The following ERBB4 variants were observed in gnomAD, a reference collection of about 807,000 sequenced individuals.
ERBB4 encodes the protein erb-b2 receptor tyrosine kinase 4.
ERBB4 carries 42 observed loss-of-function variants against 158.0 expected under a neutral mutation model. The ratio of observed to expected loss-of-function variants is 0.27; its 90% CI spans 0.21 to 0.34. The LOEUF (loss-of-function observed/expected upper bound fraction) is 0.34, where lower values mean the gene tolerates loss of function less well. Among genes scored for constraint, ERBB4 ranks in the 10% least tolerant of loss-of-function variants. The probability of loss-of-function intolerance (pLI) is 1.00; values close to 1 mark genes in which losing one functional copy is unlikely to be tolerated. For synonymous variants in ERBB4, 583 were observed against 558.7 expected (o/e 1.04, Z -0.61); for missense variants, 1,333 against 1,624.1 (o/e 0.82, Z 3.08).
chr2:212,399,227 G>A (rs2091120540), intron 1 of ERBB4, among the ~76,000 whole-genome samples: 1 of 151,986 alleles, frequency 6.6e-6, no homozygotes, highest in Non-Finnish European at 1.5e-5. Context: ...ATAGGTGCGA[G>A]CCACTGCACC....
At chr2:212,447,143 C>T (rs1230479234) in intron 1 of ERBB4, among the ~76,000 whole-genome samples, 1 of 151,728 alleles carries the variant, frequency 6.6e-6, no homozygotes, top group Non-Finnish European at 1.5e-5. Context: ...ACTACAGGCA[C>T]CCGCCACCAT....
intron 2 of ERBB4, among the ~76,000 whole-genome samples, chr2:211,990,280 T>C (rs1313149142): frequency 6.6e-6 from 1 of 151,898 alleles, no homozygotes; most frequent in African/African-American, 2.4e-5. Context: ...CATTAAAATA[T>C]CTGGGGGGAT....
chr2:212,474,405 T>C (rs1689270890), intron 1 of ERBB4, among the ~76,000 whole-genome samples: 2 of 152,124 alleles, frequency 1.3e-5, no homozygotes, highest in South Asian at 4.1e-4. Context: ...TCATATTGTG[T>C]TGGCAGAGAA....
chr2:211,885,001 A>G (rs764177914), intron 3 of ERBB4, among the ~76,000 whole-genome samples: 38 of 152,316 alleles, frequency 2.5e-4, no homozygotes, highest in Non-Finnish European at 4.7e-4. Flanking sequence ...TACTTTACAA[A>G]TATCATTGTG....
chr2:212,445,105 T>C (rs62186287), intron 1 of ERBB4, among the ~76,000 whole-genome samples: 1 of 151,818 alleles, frequency 6.6e-6, no homozygotes, highest in Non-Finnish European at 1.5e-5. Context: ...CTTACCATGT[T>C]CCCCAGCATC....
intron 9 of ERBB4, among the ~76,000 whole-genome samples, chr2:211,709,274 TACATAC>T (rs1457072557): frequency 8.8e-5 from 12 of 136,508 alleles, no homozygotes; most frequent in African/African-American, 2.9e-4. Context: ...TATATATATA[TACATAC>T]ATATATATAT....
chr2:211,844,035 T>C lies in ERBB4; in HGVS notation c.422-55876A>G, dbSNP rs951825939. ...ATGCTGATGTTTTGTTTATTCTATC[T>C]ACACTGCCTCACACATAGTGACAGA... On this transcript the variant is annotated intron_variant, in intron 3 of 27. Transcript: ENST00000342788. 3.9e-5 allele frequency among the ~76,000 whole-genome samples: 6 copies of C among 152,216 alleles called. No homozygotes were observed. In the South Asian group the frequency reaches 1.2e-3, roughly 32 times the overall value.
chr2:212,406,287 T>C (rs1486061233), intron 1 of ERBB4, among the ~76,000 whole-genome samples: 8 of 152,142 alleles, frequency 5.3e-5, no homozygotes, highest in Non-Finnish European at 1.0e-4. Flanking sequence ...TGATACCTTA[T>C]GTCCTAGTAC....
intron 5 of ERBB4, among the ~76,000 whole-genome samples, chr2:211,749,669 T>C (rs1460036273): frequency 1.3e-5 from 2 of 152,194 alleles, no homozygotes; most frequent in Non-Finnish European, 2.9e-5. Context: ...AATAAAATAA[T>C]CCTTTTATAT....
At chr2:211,645,292 G>A (rs1397189154) in intron 16 of ERBB4, among the ~76,000 whole-genome samples, 1 of 151,684 alleles carries the variant, frequency 6.6e-6, no homozygotes, top group Non-Finnish European at 1.5e-5. Context: ...AAGACAGAGA[G>A]GGAGAAGCCC....
rs1159179769 is a variant in ERBB4 at position 211,772,830 on chromosome 2, TATATACAC to T, written c.556+15187_556+15194del. Among the ~76,000 whole-genome samples, 4 of 12,286 alleles carry T rather than the reference TATATACAC, an allele frequency of 3.3e-4. 1 individual carries two copies. The highest frequency in any genetic ancestry group is 7.1e-4 in the Non-Finnish European group (4 of 5,658). 8.1% of individuals were successfully genotyped at this position (12,286 alleles called of 152,430 possible). A position where few individuals can be genotyped will look rare whatever the true frequency, so the allele number is the denominator to read the frequency against. ...TGGGATATATATATATATATATATA[TATATACAC>T]ATATATATATATATATATATATATA... On this transcript the variant is annotated intron_variant, in intron 4 of 27. Transcript: ENST00000342788.
intron 20 of ERBB4, among the ~76,000 whole-genome samples, chr2:211,478,338 T>C (rs1034064771): frequency 1.3e-5 from 2 of 152,166 alleles, no homozygotes; most frequent in African/African-American, 4.8e-5. Context: ...AAAAAAGTGA[T>C]AGTATAGTTT....
At chr2:212,406,349 C>T (rs1287200132) in intron 1 of ERBB4, among the ~76,000 whole-genome samples, 3 of 152,062 alleles carry the variant, frequency 2.0e-5, no homozygotes, top group South Asian at 2.1e-4. Context: ...CTACAAAAAT[C>T]GGTTCACTTT....
intron 1 of ERBB4, among the ~76,000 whole-genome samples, chr2:212,462,127 A>G (rs900242472): frequency 5.3e-5 from 8 of 152,170 alleles, no homozygotes; most frequent in African/African-American, 1.9e-4. Context: ...AAAGACTTAA[A>G]TGGAAGACCC....
chr2:212,397,430 G>C (rs771935791), intron 1 of ERBB4, among the ~76,000 whole-genome samples: 3 of 149,690 alleles, frequency 2.0e-5, no homozygotes, highest in Non-Finnish European at 4.4e-5. Flanking sequence ...CCATGATCTT[G>C]ACACTGCACT....
At chr2:212,498,945 G>A (rs2106231753) in intron 1 of ERBB4, among the ~76,000 whole-genome samples, 1 of 152,052 alleles carries the variant, frequency 6.6e-6, no homozygotes, top group African/African-American at 2.4e-5. Context: ...CTGGACAAGT[G>A]GATCTGAGTA....
intron 20 of ERBB4, among the ~76,000 whole-genome samples, chr2:211,542,253 T>G (rs4411634): frequency 1.3e-5 from 2 of 151,798 alleles, no homozygotes; most frequent in African/African-American, 4.8e-5. Context: ...AGTGCCAGAC[T>G]GCTTGAGCAT....
chr2:211,807,000 G>C (rs2076633690), intron 3 of ERBB4, among the ~76,000 whole-genome samples: 1 of 151,820 alleles, frequency 6.6e-6, no homozygotes, highest in Admixed American at 6.6e-5. Flanking sequence ...AAAACGTCAA[G>C]ATTGATAATA....
At chr2:211,450,290 C>A (rs1381767093) in intron 20 of ERBB4, among the ~76,000 whole-genome samples, 1 of 152,004 alleles carries the variant, frequency 6.6e-6, no homozygotes, top group African/African-American at 2.4e-5. Flanking sequence ...GGAGGCCAGG[C>A]TCAGGATGTT....
Sources: allele counts gnomAD v4.1 joint callset (sites outside exome capture counted in the v4.1 genomes callset), GRCh38; gene constraint gnomAD v4.1.1; transcripts MANE v1.5; gene names NCBI Gene and HGNC (gene_info 2026-07-23, HGNC 2026-07-21).